The following LOC128706666 variants were observed in gnomAD, a reference collection of about 807,000 sequenced individuals.
At chr20:10,414,162 G>C in the LOC128706666 span, among the ~76,000 whole-genome samples, 2 of 151,860 alleles carry the variant, frequency 1.3e-5, no homozygotes, top group South Asian at 4.2e-4. Context: ...ATTCTGTAAG[G>C]CACAACAACA....
At chr20:10,424,184 T>C in the LOC128706666 span, among the ~76,000 whole-genome samples, 1 of 152,160 alleles carries the variant, frequency 6.6e-6, no homozygotes, top group Non-Finnish European at 1.5e-5. Context: ...CAAGATGGAA[T>C]TAGCACTTTA....
the LOC128706666 span, among the ~76,000 whole-genome samples, chr20:10,415,960 A>C: frequency 6.6e-6 from 1 of 152,184 alleles, no homozygotes; most frequent in African/African-American, 2.4e-5. Context: ...AGACCTGAAC[A>C]AAAGAAGGTA....
the LOC128706666 span, among the ~76,000 whole-genome samples, chr20:10,430,914 C>T: frequency 1.3e-5 from 2 of 152,184 alleles, no homozygotes; most frequent in African/African-American, 2.4e-5. Flanking sequence ...TCTGAAACAA[C>T]GTTTTACATA....
At chr20:10,419,540 A>C in the LOC128706666 span, among the ~76,000 whole-genome samples, 78 of 152,344 alleles carry the variant, frequency 5.1e-4, no homozygotes, top group African/African-American at 1.8e-3. Context: ...GCCTGAAACT[A>C]CATATAGCAC....
chr20:10,430,208 A>G, the LOC128706666 span, among the ~76,000 whole-genome samples: 1 of 152,170 alleles, frequency 6.6e-6, no homozygotes, highest in Non-Finnish European at 1.5e-5. Flanking sequence ...ACTTTAAATC[A>G]TTTTTGTAAG....
At chr20:10,428,170 GTT>G in the LOC128706666 span, among the ~76,000 whole-genome samples, 2 of 152,332 alleles carry the variant, frequency 1.3e-5, no homozygotes, top group Non-Finnish European at 2.9e-5. Context: ...GCAAGCTGTG[GTT>G]TATCACAATG....
At chr20:10,433,446 C>T in the LOC128706666 span, among the ~76,000 whole-genome samples, 1 of 152,202 alleles carries the variant, frequency 6.6e-6, no homozygotes. Flanking sequence ...TATCTACTAA[C>T]TCGGCAGTGC....
chr20:10,418,910 A>G, the LOC128706666 span, among the ~76,000 whole-genome samples: 1 of 152,104 alleles, frequency 6.6e-6, no homozygotes, highest in East Asian at 1.9e-4. Context: ...CTCTTCCTAT[A>G]AATACAAATT....
the LOC128706666 span, among the ~76,000 whole-genome samples, chr20:10,420,269 C>T: frequency 6.6e-6 from 1 of 152,134 alleles, no homozygotes; most frequent in Non-Finnish European, 1.5e-5. Flanking sequence ...CCTTTGCACA[C>T]ATTCATGATC....
At chr20:10,432,686 T>C in the LOC128706666 span, among the ~76,000 whole-genome samples, 1 of 147,888 alleles carries the variant, frequency 6.8e-6, no homozygotes, top group Non-Finnish European at 1.5e-5. Context: ...CCCAAACTTC[T>C]CCGGAGGCTA....
the LOC128706666 span, among the ~76,000 whole-genome samples, chr20:10,421,102 G>C: frequency 6.7e-6 from 1 of 149,658 alleles, no homozygotes; most frequent in African/African-American, 2.5e-5. Context: ...CCACAATAGA[G>C]TAAGAGCCTT....
At chr20:10,423,858 C>T in the LOC128706666 span, among the ~76,000 whole-genome samples, 19 of 152,192 alleles carry the variant, frequency 1.2e-4, no homozygotes, top group Non-Finnish European at 2.4e-4. Context: ...ATCACTGAGA[C>T]TCAGTACAGT....
chr20:10,423,231 G>A, the LOC128706666 span, among the ~76,000 whole-genome samples: 1 of 152,012 alleles, frequency 6.6e-6, no homozygotes, highest in African/African-American at 2.4e-5. Flanking sequence ...TTGAGCCTAG[G>A]CAACGTGGCA....
chr20:10,432,728 G>C, the LOC128706666 span, among the ~76,000 whole-genome samples: 98 of 142,810 alleles, frequency 6.9e-4, no homozygotes, highest in Non-Finnish European at 1.3e-3. Context: ...CCCGGGAGGC[G>C]GAGGTTGCAC....
At chr20:10,413,891 T>C in the LOC128706666 span, 2 of 422,556 alleles carry the variant, frequency 4.7e-6, no homozygotes, top group Non-Finnish European at 8.4e-6. Flanking sequence ...TTTTCATCTC[T>C]TCTTTCGATA....
At chr20:10,428,720 TC>T in the LOC128706666 span, among the ~76,000 whole-genome samples, 3 of 152,134 alleles carry the variant, frequency 2.0e-5, no homozygotes, top group African/African-American at 7.2e-5. Context: ...GCACCTGTAA[TC>T]CCAGTTACCT....
the LOC128706666 span, among the ~76,000 whole-genome samples, chr20:10,425,055 A>T: frequency 1.4e-5 from 2 of 143,552 alleles, no homozygotes; most frequent in African/African-American, 4.9e-5. Context: ...CTCCGTCTCA[A>T]AAAAAAAAAA....
the LOC128706666 span, among the ~76,000 whole-genome samples, chr20:10,416,467 A>G: frequency 6.6e-6 from 1 of 152,128 alleles, no homozygotes; most frequent in East Asian, 1.9e-4. Context: ...AAAATGGGAC[A>G]ACTTTAGCAT....
chr20:10,417,485 C>T, the LOC128706666 span, among the ~76,000 whole-genome samples: 60 of 152,256 alleles, frequency 3.9e-4, no homozygotes, highest in African/African-American at 1.4e-3. Flanking sequence ...GTGGCGGATG[C>T]CTATAGTCCC....
Sources: allele counts gnomAD v4.1 joint callset (sites outside exome capture counted in the v4.1 genomes callset), GRCh38; gene constraint gnomAD v4.1.1; transcripts MANE v1.5.